Variants in LYN observed in about 807,000 individuals in gnomAD.
LYN encodes LYN proto-oncogene, Src family tyrosine kinase, also known as tyrosine-protein kinase Lyn.
LYN carries 12 observed loss-of-function variants against 65.0 expected under a neutral mutation model. The ratio of observed to expected loss-of-function variants is 0.18; its 90% confidence interval spans 0.12 to 0.30. The LOEUF is 0.30. LYN is among the 10% of genes least tolerant of loss of function. The pLI, the probability that LYN is intolerant of heterozygous loss-of-function variation, is 1.00. For missense variants in LYN, 380 were observed against 623.2 expected (o/e 0.61, Z 4.16); for synonymous variants, 222 against 221.2 (o/e 1.00, Z -0.03).
At chr8:55,888,743 T>C (rs1804870541) in intron 1 of LYN, among the ~76,000 whole-genome samples, 1 of 152,196 alleles carries the variant, frequency 6.6e-6, no homozygotes, top group Non-Finnish European at 1.5e-5. Flanking sequence ...TTTTTTGTTT[T>C]GTTTTGTTTT....
rs979940095 is a variant in LYN at position 56,011,344 on chromosome 8, A to G, written c.*1234A>G. The G allele has an allele frequency of 9.2e-6, 2 of 218,126 alleles. No individual in the cohort carries two copies. The highest frequency in any genetic ancestry group is 4.5e-5 in the African/African-American group (2 of 44,514). 13.5% of individuals were successfully genotyped at this position (218,126 alleles called of 1,614,324 possible). A position where few individuals can be genotyped will look rare whatever the true frequency, so the allele number is the denominator to read the frequency against. ...TGTTGTGTATATACCTAATATTTCT[A>G]TTTTTGATTTTATTTTAATACACCT... On this transcript the variant is annotated 3_prime_UTR_variant, in exon 13 of 13. Transcript: ENST00000519728.
At chr8:55,916,297 T>G (rs1415867192) in intron 1 of LYN, among the ~76,000 whole-genome samples, 3 of 152,220 alleles carry the variant, frequency 2.0e-5, no homozygotes, top group Non-Finnish European at 4.4e-5. Flanking sequence ...GTTACGCTTT[T>G]AACATCAGTA....
chr8:55,883,709 C>CA (rs1174723076), intron 1 of LYN, among the ~76,000 whole-genome samples: 9 of 152,300 alleles, frequency 5.9e-5, no homozygotes, highest in Non-Finnish European at 1.2e-4. Context: ...ATTAAGGAGA[C>CA]AGGGCTCATA....
chr8:56,003,284 A>C (rs1808580546), intron 12 of LYN, among the ~76,000 whole-genome samples: 1 of 151,994 alleles, frequency 6.6e-6, no homozygotes, highest in Admixed American at 6.5e-5. Flanking sequence ...AATGGTCTCG[A>C]TCTCCTGACC....
chr8:55,942,456 TATACAC>T (rs1012424816), intron 2 of LYN, among the ~76,000 whole-genome samples: 2 of 149,070 alleles, frequency 1.3e-5, no homozygotes, highest in Admixed American at 1.3e-4. Flanking sequence ...TATATATATA[TATACAC>T]ACATACATAC....
intron 1 of LYN, among the ~76,000 whole-genome samples, chr8:55,907,045 A>C (rs934272729): frequency 1.3e-5 from 2 of 152,210 alleles, no homozygotes; most frequent in Non-Finnish European, 2.9e-5. Flanking sequence ...GAAAATCTAC[A>C]TACATCTACC....
rs186241699 is a variant in LYN, at chr8:55,920,568, A to G, written c.-5-21287A>G. Among the ~76,000 whole-genome samples the G allele has an allele frequency of 2.6e-5, 4 of 152,350 alleles. No homozygotes were observed. In the East Asian group the frequency reaches 7.7e-4, roughly 29 times the overall value. ...TACCCTTCACAGATGAGGAAAATGAAGTTTAATGAAGTAACTTGCTTATGT... is the reference window on the plus strand; with the variant it reads ...TACCCTTCACAGATGAGGAAAATGAGGTTTAATGAAGTAACTTGCTTATGT... On this transcript the variant is annotated intron_variant, in intron 1 of 12. Coordinates refer to ENST00000519728, the MANE Select transcript of LYN (RefSeq NM_002350.4).
intron 1 of LYN, among the ~76,000 whole-genome samples, chr8:55,909,290 T>C (rs954821931): frequency 1.4e-4 from 21 of 152,090 alleles, no homozygotes; most frequent in Non-Finnish European, 2.2e-4. Context: ...CTCTCTGCAC[T>C]GGACCCCAGT....
intron 1 of LYN, among the ~76,000 whole-genome samples, chr8:55,910,089 T>C (rs1216424040): frequency 5.3e-5 from 8 of 151,880 alleles, no homozygotes; most frequent in Non-Finnish European, 1.0e-4. Context: ...TCTCCCATTC[T>C]GCAGGTTGTC....
chr8:55,932,411 T>TA (rs879772803), intron 1 of LYN, among the ~76,000 whole-genome samples: 1,841 of 115,050 alleles, frequency 0.016, 17 homozygotes, highest in Middle Eastern at 0.04. Context: ...TATATATATA[T>TA]TTTTTGTTTG....
intron 9 of LYN, 146 bp downstream of exon 9, chr8:55,967,043 G>T: frequency 1.4e-6 from 1 of 698,912 alleles, no homozygotes. Flanking sequence ...AGACAAAGCA[G>T]TTTATAAACC....
chr8:55,939,462 A>AAGAGAGAGAGAGAGAGAGAGAGAGAGAG (rs111951441), intron 1 of LYN, among the ~76,000 whole-genome samples: 2 of 148,344 alleles, frequency 1.3e-5, no homozygotes, highest in African/African-American at 5.1e-5. Context: ...TTCCCAAGAG[A>AAGAGAGAGAGAGAGAGAGAGAGAGAGAG]AGAGAGAGAG....
intron 1 of LYN, among the ~76,000 whole-genome samples, chr8:55,885,793 G>A (rs766710298): frequency 6.6e-6 from 1 of 152,172 alleles, no homozygotes; most frequent in Admixed American, 6.5e-5. Flanking sequence ...GGAGAGAAAA[G>A]GCCCCAGAGG....
At chr8:55,978,766 C>A (rs371353629) in intron 10 of LYN, among the ~76,000 whole-genome samples, 2 of 152,158 alleles carry the variant, frequency 1.3e-5, no homozygotes, top group African/African-American at 4.8e-5. Flanking sequence ...GAAACTGCCA[C>A]GGGACTTTGC....
At chr8:55,884,964 TAC>T (rs1368944694) in intron 1 of LYN, among the ~76,000 whole-genome samples, 5 of 152,236 alleles carry the variant, frequency 3.3e-5, no homozygotes, top group Non-Finnish European at 5.9e-5. Flanking sequence ...ACACTCAGGA[TAC>T]AGTTTTCCTT....
At chr8:55,990,537 A>G (rs1808219869) in intron 10 of LYN, among the ~76,000 whole-genome samples, 1 of 152,236 alleles carries the variant, frequency 6.6e-6, no homozygotes, top group Non-Finnish European at 1.5e-5. Flanking sequence ...ATGGCTTTGC[A>G]GGGCCGTTTC....
intron 1 of LYN, among the ~76,000 whole-genome samples, chr8:55,922,205 A>G (rs1367372468): frequency 2.0e-5 from 3 of 152,148 alleles, no homozygotes; most frequent in African/African-American, 7.2e-5. Flanking sequence ...CTCTCACCTC[A>G]GCCTCCTGAG....
intron 1 of LYN, among the ~76,000 whole-genome samples, chr8:55,919,393 C>T (rs1805879773): frequency 6.6e-6 from 1 of 152,048 alleles, no homozygotes; most frequent in African/African-American, 2.4e-5. Context: ...AATATGAATG[C>T]TCTGTTAATA....
At chr8:55,888,436 A>T (rs1804862500) in intron 1 of LYN, among the ~76,000 whole-genome samples, 1 of 152,070 alleles carries the variant, frequency 6.6e-6, no homozygotes, top group African/African-American at 2.4e-5. Flanking sequence ...TATGAAGCTA[A>T]TCTTTTTGTC....
Sources: gnomAD v4.1 joint callset for allele counts (sites outside exome capture counted in the v4.1 genomes callset) on GRCh38, gnomAD v4.1.1 for gene constraint, MANE v1.5 for transcripts, NCBI Gene and HGNC (gene_info 2026-07-23, HGNC 2026-07-21) for gene names.